Variants in GPC6 observed in about 807,000 individuals in gnomAD.
GPC6 encodes the protein glypican 6, also known as glypican-6.
GPC6 carries 14 observed loss-of-function variants against 55.2 expected under a neutral mutation model. The observed-to-expected ratio is 0.25, with a 90% CI of 0.17 to 0.40. GPC6 has a LOEUF of 0.40. GPC6 is among the 10% of genes least tolerant of loss of function. The pLI is 1.00. For missense variants in GPC6, 641 were observed against 708.5 expected, an observed-to-expected ratio of 0.90 and a Z score of 1.08; for synonymous variants, 278 against 259.6, an observed-to-expected ratio of 1.07 and a Z score of -0.68.
intron 2 of GPC6, among the ~76,000 whole-genome samples, chr13:93,632,173 C>T (rs1292405440): frequency 4.6e-5 from 7 of 152,154 alleles, no homozygotes; most frequent in Non-Finnish European, 1.0e-4. Flanking sequence ...CTAGAGATGT[C>T]AACTTAGAAA....
intron 2 of GPC6, among the ~76,000 whole-genome samples, chr13:93,618,802 G>A (rs528273387): frequency 2.6e-5 from 4 of 152,188 alleles, no homozygotes; most frequent in African/African-American, 9.6e-5. Flanking sequence ...TGTTTCAGTA[G>A]CAACAAACCA....
chr13:93,225,045 T>G (rs1444711349), upstream of GPC6, among the ~76,000 whole-genome samples: 1 of 152,238 alleles, frequency 6.6e-6, no homozygotes, highest in Non-Finnish European at 1.5e-5. Context: ...CTTCAAATAA[T>G]TTAAAACCAC....
chr13:93,672,866 C>T (rs1204714310), intron 2 of GPC6, among the ~76,000 whole-genome samples: 1 of 151,874 alleles, frequency 6.6e-6, no homozygotes, highest in African/African-American at 2.4e-5. Flanking sequence ...ACATTGACCC[C>T]CAAAATATTT....
chr13:93,510,989 A>ATATATATATGTGTGTATATATATGTG lies in GPC6; in HGVS notation c.161-34265_161-34264insGTGTGTATATATATGTGTATATATAT, dbSNP rs1566396700. On this transcript the variant is annotated intron_variant, in intron 1 of 8. Coordinates refer to ENST00000377047, the MANE Select transcript of GPC6 (RefSeq NM_005708.5). ...TATATATGTGTATATATATATGTGTATATATATATATATATATTCATGTCC... is the reference window on the plus strand; with the variant it reads ...TATATATGTGTATATATATATGTGTATATATATATGTGTGTATATATATGTGTATATATATATATATATTCATGTCC... Among the ~76,000 whole-genome samples the ATATATATATGTGTGTATATATATGTG allele has an allele frequency of 6.0e-4, 9 of 14,944 alleles. 1 individual carries two copies. Among genetic ancestry groups the ATATATATATGTGTGTATATATATGTG allele is most frequent in the Non-Finnish European group, 5.2e-4 (3 of 5,810 alleles). The allele number at this position is 14,944 out of a possible 152,430, so 9.8% of individuals were successfully genotyped here.
intron 4 of GPC6, among the ~76,000 whole-genome samples, chr13:94,193,770 A>G (rs1252367292): frequency 6.6e-6 from 1 of 152,226 alleles, no homozygotes; most frequent in African/African-American, 2.4e-5. Flanking sequence ...CTTTAAATCT[A>G]GACCCCTTAT....
intron 3 of GPC6, among the ~76,000 whole-genome samples, chr13:93,850,158 G>C (rs1466742542): frequency 6.6e-6 from 1 of 151,978 alleles, no homozygotes; most frequent in African/African-American, 2.4e-5. Context: ...AGTAGGTTTG[G>C]CCAGGGTAAT....
At chr13:93,746,633 AAAC>A (rs1040063486) in intron 2 of GPC6, among the ~76,000 whole-genome samples, 3 of 152,172 alleles carry the variant, frequency 2.0e-5, no homozygotes, top group Non-Finnish European at 2.9e-5. Flanking sequence ...ATTGGAGGCA[AAAC>A]AACACCATAT....
chr13:94,403,259 G>A lies in GPC6; in HGVS notation c.*42G>A, dbSNP rs1375911592. ...AGATGAAACTGCATTTTAGCTATCTGAATGGCCAACTCACTTCTTTTCTTA... is the reference window on the plus strand; with the variant it reads ...AGATGAAACTGCATTTTAGCTATCTAAATGGCCAACTCACTTCTTTTCTTA... On this transcript the variant is annotated 3_prime_UTR_variant, in exon 9 of 9. Coordinates refer to ENST00000377047, the MANE Select transcript of GPC6 (RefSeq NM_005708.5). 1.5e-6 allele frequency: 2 copies of A among 1,349,714 alleles called. No homozygotes were observed. The highest frequency in any genetic ancestry group is 1.7e-5 in the Admixed American group (1 of 58,788). 83.6% of individuals were successfully genotyped at this position (1,349,714 alleles called of 1,614,324 possible).
At chr13:93,882,492 A>G (rs183915137) in intron 3 of GPC6, among the ~76,000 whole-genome samples, 1 of 152,080 alleles carries the variant, frequency 6.6e-6, no homozygotes, top group African/African-American at 2.4e-5. Flanking sequence ...GATTGTTTAT[A>G]TCATACATTA....
rs1880988623 is a variant in GPC6 at position 94,398,459 on chromosome 13, C to G, written c.1290-7C>G. The G allele has an allele frequency of 6.2e-7, 1 of 1,608,562 alleles. No homozygotes were observed. Among genetic ancestry groups the G allele is most frequent in the African/African-American group, 1.3e-5 (1 of 74,812 alleles). ...CCTGAGGTGTTCTCTCACTCTCTGCCTTGCAGATACTTGCCTGAGATCATG... is the reference window on the plus strand; with the variant it reads ...CCTGAGGTGTTCTCTCACTCTCTGCGTTGCAGATACTTGCCTGAGATCATG... On this transcript the variant is annotated splice_region_variant and splice_polypyrimidine_tract_variant and intron_variant, in intron 7 of 8. Transcript: ENST00000377047.
At chr13:94,132,195 T>C (rs1334284112) in intron 4 of GPC6, among the ~76,000 whole-genome samples, 1 of 152,184 alleles carries the variant, frequency 6.6e-6, no homozygotes, top group Non-Finnish European at 1.5e-5. Context: ...ACAGAATTGA[T>C]GGCACTAATA....
chr13:93,219,868 T>C, the GPC6 span, among the ~76,000 whole-genome samples: 1 of 12,374 alleles, frequency 8.1e-5, no homozygotes, highest in Non-Finnish European at 6.4e-3. Context: ...TAATTTTTTG[T>C]TTTCATCTTC....
At chr13:93,891,196 T>C (rs926543317) in intron 3 of GPC6, among the ~76,000 whole-genome samples, 3 of 152,206 alleles carry the variant, frequency 2.0e-5, no homozygotes, top group Non-Finnish European at 2.9e-5. Flanking sequence ...CTATGTTTAT[T>C]TTATTTTTCA....
chr13:94,152,358 G>C (rs637086), intron 4 of GPC6, among the ~76,000 whole-genome samples: 87,496 of 151,970 alleles, frequency 0.58, 26,787 homozygotes, highest in Admixed American at 0.67. Flanking sequence ...TCATTGCTTG[G>C]GTGATCTTGG....
chr13:93,503,270 TCTCACACAAGTTTATTTCTTG>T (rs1167217766), intron 1 of GPC6, among the ~76,000 whole-genome samples: 15 of 152,206 alleles, frequency 9.9e-5, no homozygotes, highest in African/African-American at 3.6e-4. Context: ...ATCTTTGTTG[TCTCACACAAGTTTATTTCTTG>T]CTCACACAAG....
chr13:94,320,178 C>T (rs1876741343), intron 6 of GPC6, among the ~76,000 whole-genome samples: 1 of 152,162 alleles, frequency 6.6e-6, no homozygotes, highest in Non-Finnish European at 1.5e-5. Context: ...TAAACCCAGC[C>T]ACTTAGTTTT....
At chr13:93,828,947 G>A (rs917218983) in intron 2 of GPC6, among the ~76,000 whole-genome samples, 1 of 152,136 alleles carries the variant, frequency 6.6e-6, no homozygotes, top group African/African-American at 2.4e-5. Flanking sequence ...ATGGAGAGGT[G>A]TTCGTCACTA....
chr13:93,630,631 T>C (rs895326200), intron 2 of GPC6, among the ~76,000 whole-genome samples: 1 of 152,166 alleles, frequency 6.6e-6, no homozygotes, highest in Non-Finnish European at 1.5e-5. Context: ...AAATTGACGC[T>C]TTTTGGTTTT....
At chr13:93,607,047 T>C (rs1360498400) in intron 2 of GPC6, among the ~76,000 whole-genome samples, 1 of 152,240 alleles carries the variant, frequency 6.6e-6, no homozygotes, top group Non-Finnish European at 1.5e-5. Context: ...AGGAGGACTT[T>C]CCACACTGTA....
Sources: allele counts gnomAD v4.1 joint callset (sites outside exome capture counted in the v4.1 genomes callset), GRCh38; gene constraint gnomAD v4.1.1; transcripts MANE v1.5; gene names NCBI Gene and HGNC (gene_info 2026-07-23, HGNC 2026-07-21).